DMXL2: variants seen among roughly 807,000 people sequenced by gnomAD.
DMXL2 encodes the protein Dmx like 2.
In DMXL2, 103 loss-of-function variants were observed where a neutral mutation model predicts 331.1. That is an observed-to-expected ratio of 0.31 (90% CI 0.27 to 0.37). The LOEUF (loss-of-function observed/expected upper bound fraction) is 0.37, where lower values mean the gene tolerates loss of function less well. Ranked by LOEUF, DMXL2 falls within the 10% of genes least tolerant of loss-of-function variation. The pLI is 1.00. For missense variants in DMXL2, 3,171 were observed against 3,642.9 expected (o/e 0.87, Z 3.33); for synonymous variants, 1,281 against 1,252.1 (o/e 1.02, Z -0.49).
At chr15:51,536,895 T>C (rs540064722) in intron 11 of DMXL2, 33 bp from the exon 12 acceptor site, 9 of 1,503,374 alleles carry the variant, frequency 6.0e-6, no homozygotes, top group African/African-American at 2.8e-5. Context: ...TCAGTGCAAA[T>C]AGTTTACCTC....
chr15:51,533,551 T>C (rs780965731), intron 13 of DMXL2, among the ~76,000 whole-genome samples: 1 of 152,202 alleles, frequency 6.6e-6, no homozygotes, highest in Non-Finnish European at 1.5e-5. Flanking sequence ...AACATACTTC[T>C]GCAGGGCAGA....
In DMXL2 at chr15:51,502,997, A is replaced by G. The variant is rs766908185; in HGVS notation, c.2801T>C (p.Leu934Pro). The change falls in exon 17 of 44, where the codon CTT becomes CCT. Residue 934 changes from leucine (L) to proline (P), a missense_variant. By Grantham distance (98) the Leu-to-Pro change is moderately conservative. Transcript: ENST00000560891. ...TACGTTCTTCTGTCCAGGGACTGAA[A>G]GTAGACTCTCAGAGGAAGCCCCTTC... ...ASEGASSESLLSVPGQKNVDS... is the reference protein window; with the variant it reads ...ASEGASSESLPSVPGQKNVDS... 1.2e-5 allele frequency: 20 copies of G among 1,613,908 alleles called. 1 individual carries two copies. In the South Asian group the frequency reaches 2.2e-4, roughly 18 times the overall value.
Position 51,598,877 on chromosome 15 carries a change from T to C in DMXL2, c.88-22696A>G, listed in dbSNP as rs560073389. ...AATTAATAAGTATACTGTGGGAATA[T>C]ATTTTGAGATTATGTAAATATCCTG... On this transcript the variant is annotated intron_variant, in intron 1 of 43. Coordinates refer to ENST00000560891, the MANE Select transcript of DMXL2 (RefSeq NM_001378457.1). Among the ~76,000 whole-genome samples, 5 of 152,342 alleles carry C rather than the reference T, an allele frequency of 3.3e-5. No homozygotes were observed. In the South Asian group the frequency reaches 1.0e-3, roughly 32 times the overall value.
chr15:51,454,065 G>A (rs898183230), intron 40 of DMXL2: 1 of 172,484 alleles, frequency 5.8e-6, no homozygotes, highest in Non-Finnish European at 1.2e-5. Flanking sequence ...TTTTCTGTCT[G>A]GAATTATAGT....
chr15:51,555,973 A>C (rs946326236), intron 6 of DMXL2, among the ~76,000 whole-genome samples: 7 of 152,188 alleles, frequency 4.6e-5, no homozygotes, highest in Admixed American at 4.6e-4. Context: ...ATCAACATAA[A>C]AATCTGTCAA....
At chr15:51,557,375 A>G (rs1021221330) in intron 6 of DMXL2, among the ~76,000 whole-genome samples, 1 of 152,186 alleles carries the variant, frequency 6.6e-6, no homozygotes, top group African/African-American at 2.4e-5. Context: ...ACTGAGGAAA[A>G]AAAGGTCTAA....
chr15:51,486,741 T>C (rs931659115), intron 22 of DMXL2, among the ~76,000 whole-genome samples: 3 of 152,174 alleles, frequency 2.0e-5, no homozygotes, highest in Non-Finnish European at 2.9e-5. Context: ...GTAAATAAAT[T>C]ATGAAATACA....
chr15:51,456,055 C>A lies in DMXL2; in HGVS notation c.8526+11G>T. On this transcript the variant is annotated intron_variant, in intron 39 of 43. Transcript: ENST00000560891. The stretch of plus-strand genomic sequence containing the variant: ...TTCAGATGAATTCAGCAGTAGCCCC[C>A]AGAAACTAACCTTGTTGCCTTGTGA... 6.2e-7 allele frequency: 1 copy of A among 1,613,676 alleles called. No individual in the cohort carries two copies. The highest frequency in any genetic ancestry group is 1.1e-5 in the South Asian group (1 of 91,034).
Position 51,453,723 on chromosome 15 carries a change from A to C in DMXL2, c.8605-82T>G. 8 of 1,122,654 alleles carry C rather than the reference A, an allele frequency of 7.1e-6. No homozygotes were observed. In the Middle Eastern group the frequency reaches 1.6e-3, roughly 222 times the overall value. The allele number at this position is 1,122,654 out of a possible 1,614,324, so 69.5% of individuals were successfully genotyped here. The stretch of plus-strand genomic sequence containing the variant: ...GTACCAACATACATGTCTGCTAATA[A>C]CATACTATATGCATGAGCTAAAAAT... On this transcript the variant is annotated intron_variant, in intron 40 of 43. Coordinates refer to ENST00000560891, the MANE Select transcript of DMXL2 (RefSeq NM_001378457.1).
chr15:51,593,400 C>T (rs1323867601), intron 1 of DMXL2, among the ~76,000 whole-genome samples: 10 of 152,174 alleles, frequency 6.6e-5, no homozygotes, highest in Non-Finnish European at 5.9e-5. Context: ...TACAGGAACA[C>T]CCAGATTCAT....
intron 41 of DMXL2, 111 bp downstream of exon 41, chr15:51,453,439 T>C: frequency 2.7e-6 from 2 of 732,562 alleles, no homozygotes; most frequent in Non-Finnish European, 4.1e-6. Context: ...AACAAAGTTT[T>C]TTTTTTTAAT....
chr15:51,456,245 TTTCTA>T (rs769099788), intron 38 of DMXL2, 52 bp from the exon 39 acceptor site: 1 of 1,601,356 alleles, frequency 6.2e-7, no homozygotes, highest in Non-Finnish European at 8.5e-7. Context: ...GTTCCAATAT[TTTCTA>T]TTCTATAAAT....
At chr15:51,461,149 A>G (rs888116848) in intron 33 of DMXL2, among the ~76,000 whole-genome samples, 6 of 152,234 alleles carry the variant, frequency 3.9e-5, no homozygotes, top group African/African-American at 1.4e-4. Flanking sequence ...CTTGGAGCCA[A>G]CTGATGCTTA....
At chr15:51,614,644 C>T (rs1352111365) in intron 1 of DMXL2, among the ~76,000 whole-genome samples, 3 of 152,138 alleles carry the variant, frequency 2.0e-5, no homozygotes, top group Non-Finnish European at 4.4e-5. Flanking sequence ...ATGAAAAGAT[C>T]ACTGTTTTTA....
intron 23 of DMXL2, among the ~76,000 whole-genome samples, chr15:51,483,227 C>T (rs2042145412): frequency 6.6e-6 from 1 of 152,182 alleles, no homozygotes; most frequent in East Asian, 1.9e-4. Flanking sequence ...GTGTGCCCTC[C>T]ACCTACCGCC....
At chr15:51,549,862 C>T (rs2049105993) in intron 6 of DMXL2, among the ~76,000 whole-genome samples, 1 of 151,964 alleles carries the variant, frequency 6.6e-6, no homozygotes, top group Non-Finnish European at 1.5e-5. Flanking sequence ...GGATATTAGT[C>T]CTTTGTCAGA....
At chr15:51,459,903 A>G in intron 33 of DMXL2, 2 of 1,127,110 alleles carry the variant, frequency 1.8e-6, no homozygotes, top group Non-Finnish European at 2.2e-6. Flanking sequence ...ATTTCAAAAT[A>G]AAAATTAGTT....
chr15:51,564,035 T>C (rs926568896), intron 5 of DMXL2, 90 bp downstream of exon 5: 4 of 1,417,078 alleles, frequency 2.8e-6, no homozygotes, highest in African/African-American at 1.5e-5. Context: ...AATGGTACCA[T>C]CAAAAAATAA....
At chr15:51,525,565 GC>G (rs2047625098) in intron 13 of DMXL2, among the ~76,000 whole-genome samples, 1 of 152,082 alleles carries the variant, frequency 6.6e-6, no homozygotes, top group Admixed American at 6.6e-5. Context: ...GGAGCCCAAT[GC>G]CCTGAAATGG....
Sources: gnomAD v4.1 joint callset for allele counts (sites outside exome capture counted in the v4.1 genomes callset) on GRCh38, gnomAD v4.1.1 for gene constraint, MANE v1.5 for transcripts, NCBI Gene and HGNC (gene_info 2026-07-23, HGNC 2026-07-21) for gene names.